ADCY1: variants seen among roughly 807,000 people sequenced by gnomAD.
ADCY1 encodes adenylate cyclase 1.
In ADCY1, 28 loss-of-function variants were observed where a neutral mutation model predicts 105.4. The observed-to-expected ratio is 0.27, with a 90% CI of 0.20 to 0.36. ADCY1 has a LOEUF of 0.36. ADCY1 is among the 10% of genes least tolerant of loss of function. ADCY1 has a pLI of 1.00. For synonymous variants in ADCY1, 655 were observed against 623.8 expected (o/e 1.05, Z -0.75); for missense variants, 977 against 1,434.2 (o/e 0.68, Z 5.15).
At chr7:45,588,818 G>A (rs1038837803) in intron 1 of ADCY1, among the ~76,000 whole-genome samples, 1 of 152,130 alleles carries the variant, frequency 6.6e-6, no homozygotes, top group African/African-American at 2.4e-5. Flanking sequence ...GCCATTGGGG[G>A]CTCTTTCAGT....
At chr7:45,704,971 TCTC>T (rs1785085402) in intron 17 of ADCY1, among the ~76,000 whole-genome samples, 1 of 149,396 alleles carries the variant, frequency 6.7e-6, no homozygotes, top group Non-Finnish European at 1.5e-5. Flanking sequence ...GCCCCTCTCT[TCTC>T]CTCCCATCAG....
At position 45,678,207 on chromosome 7, in the gene ADCY1, C is replaced by T. The variant is rs1784496749; in HGVS notation, c.1842C>T (p.Val614=). Residue 614 remains valine, a synonymous_variant, in exon 10 of 20, where the codon GTC becomes GTT. Transcript: ENST00000297323. Reference sequence around the variant, plus strand: ...ACGAGTATTTCACCAGCGCCGTTGTCCTCACCCTCATCCTGGCTGCCTTAT... The same window carrying T: ...ACGAGTATTTCACCAGCGCCGTTGTTCTCACCCTCATCCTGGCTGCCTTAT... The part of the protein sequence containing the change: ...LQDEYFTSAV[V]LTLILAALFG... 1.2e-6 allele frequency: 2 copies of T among 1,614,104 alleles called. No homozygotes were observed. The highest frequency in any genetic ancestry group is 2.2e-5 in the South Asian group (2 of 91,086).
At chr7:45,599,559 C>T (rs887273958) in intron 2 of ADCY1, among the ~76,000 whole-genome samples, 10 of 151,516 alleles carry the variant, frequency 6.6e-5, no homozygotes, top group African/African-American at 2.4e-4. Context: ...TCGCCTTGGT[C>T]TGTGGGAGGC....
Position 45,719,803 on chromosome 7 carries a change from G to C in ADCY1, c.*5808G>C, listed in dbSNP as rs558571204. 6.6e-6 allele frequency: 1 copy of C among 152,164 alleles called. No homozygotes were observed. Among genetic ancestry groups the C allele is most frequent in the Non-Finnish European group, 1.5e-5 (1 of 68,018 alleles). The allele number at this position is 152,164 out of a possible 1,614,324, so 9.4% of individuals were successfully genotyped here. The stretch of plus-strand genomic sequence containing the variant: ...GCAGGGCATTTGGGGAACCATCCCC[G>C]AATGCCCTGATGTGATTTCCCTCAG... On this transcript the variant is annotated 3_prime_UTR_variant, in exon 20 of 20. Transcript: ENST00000297323.
intron 4 of ADCY1, among the ~76,000 whole-genome samples, chr7:45,632,822 G>C (rs1195755457): frequency 6.6e-6 from 1 of 151,896 alleles, no homozygotes; most frequent in East Asian, 1.9e-4. Flanking sequence ...CTCTCGCCTT[G>C]GCCTCGCAAA....
chr7:45,691,803 T>G (rs548706132), intron 14 of ADCY1, among the ~76,000 whole-genome samples: 14 of 152,360 alleles, frequency 9.2e-5, no homozygotes, highest in African/African-American at 3.4e-4. Flanking sequence ...GGTCATGGCA[T>G]AGACATGGAA....
chr7:45,656,553 G>A (rs1011920893), intron 5 of ADCY1, among the ~76,000 whole-genome samples: 1 of 152,148 alleles, frequency 6.6e-6, no homozygotes, highest in Non-Finnish European at 1.5e-5. Flanking sequence ...GGGTAGTGAT[G>A]GGCAGCTGGC....
intron 11 of ADCY1, among the ~76,000 whole-genome samples, chr7:45,682,065 A>G (rs1194653449): frequency 6.6e-6 from 1 of 152,028 alleles, no homozygotes; most frequent in Non-Finnish European, 1.5e-5. Flanking sequence ...CCCTCTGTGA[A>G]ATGGCGGTGA....
At chr7:45,705,095 G>C (rs1406237371) in intron 17 of ADCY1, among the ~76,000 whole-genome samples, 5 of 152,126 alleles carry the variant, frequency 3.3e-5, no homozygotes, top group Non-Finnish European at 7.4e-5. Flanking sequence ...TCTTCTGAAA[G>C]AGAAAGCACC....
chr7:45,686,767 A>G lies in ADCY1; in HGVS notation c.2454+94A>G. On this transcript the variant is annotated intron_variant, in intron 14 of 19. Transcript: ENST00000297323. This position sits in a 1 kb window ranked among gnomAD's most constrained non-coding sequence, Gnocchi z 4.3. The stretch of plus-strand genomic sequence containing the variant: ...CTGACGGGGGCTGCCACAGACACCC[A>G]CACGCCGTATGGCCCTCGGAGGGCC... The G allele has an allele frequency of 6.7e-7, 1 of 1,494,468 alleles. No homozygotes were observed. The highest frequency in any genetic ancestry group is 8.9e-7 in the Non-Finnish European group (1 of 1,120,274). 92.6% of individuals were successfully genotyped at this position (1,494,468 alleles called of 1,614,324 possible). A position where few individuals can be genotyped will look rare whatever the true frequency, so the allele number is the denominator to read the frequency against.
rs1318825266 is a variant in ADCY1, at chr7:45,703,414, G to A, written c.2493G>A (p.Leu831=). 1 of 1,614,054 alleles carries A rather than the reference G, an allele frequency of 6.2e-7. No homozygotes were observed. Among genetic ancestry groups the A allele is most frequent in the Non-Finnish European group, 8.5e-7 (1 of 1,179,980 alleles). The change falls in exon 15 of 20, where the codon CTG becomes CTA. Residue 831 remains leucine, a synonymous_variant. Transcript: ENST00000297323. This position sits in a 1 kb window ranked among gnomAD's most constrained non-coding sequence, Gnocchi z 5.9. ...GAGAGGACATGGAGAAGGTGAAGCT[G>A]GACAACAGGCGCATCCTCTTCAACC... is the stretch of plus-strand genomic sequence containing the variant. ...EEREDMEKVK[L]DNRRILFNLL... is the part of the protein sequence containing the mutation.
intron 8 of ADCY1, among the ~76,000 whole-genome samples, chr7:45,669,703 G>A (rs1784328273): frequency 6.6e-6 from 1 of 152,084 alleles, no homozygotes; most frequent in Non-Finnish European, 1.5e-5. Flanking sequence ...GTTGAAACAT[G>A]GCTGGAAATT....
chr7:45,597,376 C>T (rs1793106775), intron 2 of ADCY1, among the ~76,000 whole-genome samples: 1 of 152,152 alleles, frequency 6.6e-6, no homozygotes, highest in African/African-American at 2.4e-5. Flanking sequence ...CGTTCTTGCC[C>T]CGTTTGATAA....
intron 3 of ADCY1, among the ~76,000 whole-genome samples, chr7:45,611,457 G>T (rs1212203812): frequency 1.3e-5 from 2 of 152,074 alleles, no homozygotes; most frequent in East Asian, 3.9e-4. Flanking sequence ...AATTTGCCAT[G>T]TCAGAATAGT....
intron 6 of ADCY1, among the ~76,000 whole-genome samples, chr7:45,658,974 T>C (rs1235536340): frequency 6.6e-6 from 1 of 152,142 alleles, no homozygotes; most frequent in Non-Finnish European, 1.5e-5. Context: ...GCACTCTGAG[T>C]TGATGACAGG....
chr7:45,719,663 C>T lies in ADCY1; in HGVS notation c.*5668C>T, dbSNP rs2471267. 0.34 allele frequency: 52,323 copies of T among 152,098 alleles called. 10,591 individuals are homozygous for T. The highest frequency in any genetic ancestry group is 0.6 in the South Asian group (2,891 of 4,818). The allele number at this position is 152,098 out of a possible 1,614,324, so 9.4% of individuals were successfully genotyped here. A position where few individuals can be genotyped will look rare whatever the true frequency, so the allele number is the denominator to read the frequency against. On this transcript the variant is annotated 3_prime_UTR_variant, in exon 20 of 20. Transcript: ENST00000297323. ...TACATGTGTGAACACGTGTTTCTGT[C>T]GTGTGTGTCATGCACATCTGTGTGT... is the stretch of plus-strand genomic sequence containing the variant.
At position 45,575,505 on chromosome 7, in the gene ADCY1, G is replaced by A. The variant is rs1237557259; in HGVS notation, c.639+323G>A. 6.6e-6 allele frequency among the ~76,000 whole-genome samples: 1 copy of A among 152,260 alleles called. No individual in the cohort carries two copies. The highest frequency in any genetic ancestry group is 1.5e-5 in the Non-Finnish European group (1 of 68,046). ...CAGACGGCGGCCAGAGGGGTCCGCC[G>A]GTCTTTTGCCGCACCCATCCCCACA... is the stretch of plus-strand genomic sequence containing the variant. On this transcript the variant is annotated intron_variant, in intron 1 of 19. Coordinates refer to ENST00000297323, the MANE Select transcript of ADCY1 (RefSeq NM_021116.4). The surrounding 1 kb of genome is among the most constrained non-coding windows in gnomAD (Gnocchi z 4.7).
Position 45,595,238 on chromosome 7 carries a change from C to T in ADCY1, c.789+2330C>T, listed in dbSNP as rs541826300. ...TAGCAGCCCAGGCCAACCACTGCAT[C>T]AGCAGCAGTGGGGAGCCTGTTAGGA... is the stretch of plus-strand genomic sequence containing the variant. On this transcript the variant is annotated intron_variant, in intron 2 of 19. Coordinates refer to ENST00000297323, the MANE Select transcript of ADCY1 (RefSeq NM_021116.4). Among the ~76,000 whole-genome samples the T allele has an allele frequency of 5.3e-5, 8 of 152,332 alleles. No homozygotes were observed. The East Asian group carries it at 1.5e-3, about 29-fold the overall frequency.
Position 45,574,880 on chromosome 7 carries a change from T to C in ADCY1, c.337T>C (p.Ser113Pro). The change falls in exon 1 of 20, where the codon TCC becomes CCC. Residue 113 changes from serine to proline, a missense_variant. Physicochemically the swap from Ser to Pro is moderately conservative, Grantham distance 74. Transcript: ENST00000297323. This position sits in a 1 kb window ranked among gnomAD's most constrained non-coding sequence, Gnocchi z 7.0. ...LALLVVTNVR[S>P]LQVPQLQQVG... ...GCTGCTCGTGGTAACCAACGTCCGG[T>C]CCCTGCAGGTGCCCCAGCTGCAGCA... 6.2e-7 allele frequency: 1 copy of C among 1,611,832 alleles called. No individual in the cohort carries two copies. Among genetic ancestry groups the C allele is most frequent in the East Asian group, 2.2e-5 (1 of 44,806 alleles).
Sources: gnomAD v4.1 joint callset for allele counts (sites outside exome capture counted in the v4.1 genomes callset) on GRCh38, gnomAD v4.1.1 for gene constraint, Gnocchi (gnomAD v3.1) non-coding constraint, MANE v1.5 for transcripts, NCBI Gene and HGNC (gene_info 2026-07-23, HGNC 2026-07-21) for gene names.